The following RSL1D1 variants were observed in gnomAD, a reference collection of about 807,000 sequenced individuals.
RSL1D1 encodes the protein ribosomal L1 domain-containing protein 1.
A neutral mutation model predicts 44.6 loss-of-function variants in RSL1D1; 34 were observed. That is an observed-to-expected ratio of 0.76 (90% CI 0.58 to 1.02). The LOEUF (loss-of-function observed/expected upper bound fraction) is 1.02. RSL1D1 is among the 50% of genes least tolerant of loss of function. The pLI is 0.00. For missense variants in RSL1D1, 767 were observed against 568.1 expected (o/e 1.35, Z -3.56); for synonymous variants, 271 against 207.4 (o/e 1.31, Z -2.63).
chr16:11,841,724 T>C lies in RSL1D1; in HGVS notation c.826A>G (p.Lys276Glu). The change falls in exon 7 of 9, where the codon AAA (lysine) becomes GAA (glutamate). Residue 276 changes from lysine to glutamate, a missense_variant. Coordinates refer to ENST00000571133, the MANE Select transcript of RSL1D1 (RefSeq NM_015659.3). ...SFVSNWDEAT[K>E]RSLLNKKKKE... ...TTCTTCTTATTAAGCAAAGATCTTT[T>C]GGTGGCTTCATCCCAATTGCTGACA... The C allele has an allele frequency of 6.2e-7, 1 of 1,613,330 alleles. No homozygotes were observed. Among genetic ancestry groups the C allele is most frequent in the Non-Finnish European group, 8.5e-7 (1 of 1,179,720 alleles).
intron 7 of RSL1D1, among the ~76,000 whole-genome samples, chr16:11,840,765 C>T (rs994096068): frequency 6.6e-6 from 1 of 152,134 alleles, no homozygotes; most frequent in Non-Finnish European, 1.5e-5. Flanking sequence ...CATCCAAATA[C>T]GTGCACATTA....
At chr16:11,844,652 C>A (rs1164482382) in intron 5 of RSL1D1, among the ~76,000 whole-genome samples, 1 of 152,174 alleles carries the variant, frequency 6.6e-6, no homozygotes, top group African/African-American at 2.4e-5. Context: ...TCAGGCCTCC[C>A]TGGTGAGCAG....
intron 2 of RSL1D1, 130 bp from the exon 3 acceptor site, chr16:11,847,936 T>C (rs1475689041): frequency 2.2e-6 from 2 of 914,672 alleles, no homozygotes; most frequent in Non-Finnish European, 3.4e-6. Context: ...AAGCAAATAA[T>C]GCACCAAGAA....
At chr16:11,848,876 C>T (rs1301202184) in intron 2 of RSL1D1, among the ~76,000 whole-genome samples, 1 of 150,790 alleles carries the variant, frequency 6.6e-6, no homozygotes, top group Non-Finnish European at 1.5e-5. Flanking sequence ...CTCCTGGGTT[C>T]AAATGATTCT....
Position 11,834,066 on chromosome 16 carries a change from C to T in RSL1D1, c.*3721G>A, listed in dbSNP as rs1252683598. On this transcript the variant is annotated 3_prime_UTR_variant, in exon 9 of 9. Coordinates refer to ENST00000571133, the MANE Select transcript of RSL1D1 (RefSeq NM_015659.3). ...ACTTGGCCCACGAGAACATCATATA[C>T]CATAGTAGAGATTTCGCCCTCCTCT... 2 of 152,074 alleles carry T rather than the reference C, an allele frequency of 1.3e-5. No individual in the cohort carries two copies. The highest frequency in any genetic ancestry group is 2.9e-5 in the Non-Finnish European group (2 of 68,012). The allele number at this position is 152,074 out of a possible 1,614,324, so 9.4% of individuals were successfully genotyped here.
rs1469933480 is a variant in RSL1D1, at chr16:11,834,409, G to C, written c.*3378C>G. The C allele has an allele frequency of 6.6e-6, 1 of 152,140 alleles. No homozygotes were observed. The highest frequency in any genetic ancestry group is 1.5e-5 in the Non-Finnish European group (1 of 68,030). The allele number at this position is 152,140 out of a possible 1,614,324, so 9.4% of individuals were successfully genotyped here. A position where few individuals can be genotyped will look rare whatever the true frequency, so the allele number is the denominator to read the frequency against. ...GCTTTTTCAACAGAGAACATTATTA[G>C]AATGAAACTAGATGCAAGAACAGGA... is the stretch of plus-strand genomic sequence containing the variant. On this transcript the variant is annotated 3_prime_UTR_variant, in exon 9 of 9. Transcript: ENST00000571133.
At position 11,838,052 on chromosome 16, in the gene RSL1D1, C is replaced by A. The variant is rs375088154; in HGVS notation, c.1208G>T (p.Arg403Leu). Reference protein sequence around the residue: ...PAKSPNPSTPRGKKRKALPAS... With the variant: ...PAKSPNPSTPLGKKRKALPAS... Reference sequence around the variant, plus strand: ...TGGCAAAGCCTTTCTTTTCTTCCCACGAGGTGTGCTGGGATTAGGACTCTT... The same window carrying A: ...TGGCAAAGCCTTTCTTTTCTTCCCAAGAGGTGTGCTGGGATTAGGACTCTT... Residue 403 changes from arginine to leucine, a missense_variant, in exon 9 of 9, where the codon CGT (arginine) becomes CTT (leucine). Transcript: ENST00000571133. 2 of 1,613,472 alleles carry A rather than the reference C, an allele frequency of 1.2e-6. No homozygotes were observed. Among genetic ancestry groups the A allele is most frequent in the Admixed American group, 1.7e-5 (1 of 59,834 alleles).
rs2053711608 is a variant in RSL1D1, at chr16:11,835,734, G to C, written c.*2053C>G. 6.6e-6 allele frequency: 1 copy of C among 152,344 alleles called. No homozygotes were observed. Among genetic ancestry groups the C allele is most frequent in the Non-Finnish European group, 1.5e-5 (1 of 68,152 alleles). The allele number at this position is 152,344 out of a possible 1,614,324, so 9.4% of individuals were successfully genotyped here. On this transcript the variant is annotated 3_prime_UTR_variant, in exon 9 of 9. Coordinates refer to ENST00000571133, the MANE Select transcript of RSL1D1 (RefSeq NM_015659.3). Reference sequence around the variant, plus strand: ...CTCCTGGGTTCAAGCAATCCACCCAGCGTTCCAAAGTGCTGGGATTATGTT... The same window carrying C: ...CTCCTGGGTTCAAGCAATCCACCCACCGTTCCAAAGTGCTGGGATTATGTT...
Position 11,841,691 on chromosome 16 carries a change from T to A in RSL1D1, c.855+4A>T. On this transcript the variant is annotated splice_donor_region_variant and intron_variant, in intron 7 of 8. Transcript: ENST00000571133. ...ATTCTGTAAGTATTTAAAATTCTAC[T>A]AACTTTTTTCTTCTTATTAAGCAAA... is the stretch of plus-strand genomic sequence containing the variant. 1.9e-6 allele frequency: 3 copies of A among 1,609,252 alleles called. No homozygotes were observed. The highest frequency in any genetic ancestry group is 8.5e-7 in the Non-Finnish European group (1 of 1,178,110).
At position 11,836,013 on chromosome 16, in the gene RSL1D1, C is replaced by G. The variant is rs2053714434; in HGVS notation, c.*1774G>C. ...TCTAGACTTGCTGGCTCCTTGCTCT[C>G]CCAGGATCGACTGTAACTTGAGTTA... On this transcript the variant is annotated 3_prime_UTR_variant, in exon 9 of 9. Coordinates refer to ENST00000571133, the MANE Select transcript of RSL1D1 (RefSeq NM_015659.3). The G allele has an allele frequency of 1.3e-5, 2 of 152,144 alleles. No individual in the cohort carries two copies. The highest frequency in any genetic ancestry group is 2.9e-5 in the Non-Finnish European group (2 of 68,042). The allele number at this position is 152,144 out of a possible 1,614,324, so 9.4% of individuals were successfully genotyped here. A position where few individuals can be genotyped will look rare whatever the true frequency, so the allele number is the denominator to read the frequency against.
Position 11,835,412 on chromosome 16 carries a change from GCCT to G in RSL1D1, c.*2372_*2374del, listed in dbSNP as rs894180044. On this transcript the variant is annotated 3_prime_UTR_variant, in exon 9 of 9. Transcript: ENST00000571133. ...AGCCAGGCTGGTCTCAGAACTCCTG[GCCT>G]CAAGTGATCTGCCAGCCTTGGCTGG... 2.0e-5 allele frequency: 3 copies of G among 152,092 alleles called. No homozygotes were observed. The highest frequency in any genetic ancestry group is 7.2e-5 in the African/African-American group (3 of 41,386). 9.4% of individuals were successfully genotyped at this position (152,092 alleles called of 1,614,324 possible).
intron 1 of RSL1D1, 82 bp from the exon 2 acceptor site, chr16:11,850,500 T>G (rs1363418218): frequency 1.4e-6 from 2 of 1,436,272 alleles, no homozygotes; most frequent in African/African-American, 1.5e-5. Flanking sequence ...CAATCTAATT[T>G]AGCATTTGCC....
In RSL1D1 at chr16:11,848,181, A is replaced by T. The variant is rs569727656; in HGVS notation, c.246-375T>A. On this transcript the variant is annotated intron_variant, in intron 2 of 8. Transcript: ENST00000571133. ...GGCAGGATAATCGCTTCAACCCGGA[A>T]GGTGGAGGTTGCAGTGAGCCAAGAT... Among the ~76,000 whole-genome samples the T allele has an allele frequency of 2.0e-5, 3 of 152,286 alleles. No homozygotes were observed. In the East Asian group the frequency reaches 5.8e-4, roughly 29 times the overall value.
At chr16:11,845,971 G>A (rs1322004009) in intron 5 of RSL1D1, among the ~76,000 whole-genome samples, 2 of 151,884 alleles carry the variant, frequency 1.3e-5, no homozygotes, top group Non-Finnish European at 2.9e-5. Flanking sequence ...GGGCTCAAGC[G>A]ATCCTCCTGC....
intron 2 of RSL1D1, 96 bp downstream of exon 2, chr16:11,850,183 T>A (rs1483437266): frequency 8.2e-7 from 1 of 1,220,336 alleles, no homozygotes; most frequent in African/African-American, 1.6e-5. Context: ...TATTATAAGT[T>A]TGCAAAGTTT....
chr16:11,842,592 T>C (rs1033856032), intron 5 of RSL1D1, among the ~76,000 whole-genome samples: 10 of 152,206 alleles, frequency 6.6e-5, no homozygotes, highest in African/African-American at 2.4e-4. Context: ...CAGGCTGGTA[T>C]GGAACTCCTG....
Position 11,837,570 on chromosome 16 carries a change from C to T in RSL1D1, c.*217G>A, listed in dbSNP as rs755000027. 111 of 479,804 alleles carry T rather than the reference C, an allele frequency of 2.3e-4. No homozygotes were observed. Among genetic ancestry groups the T allele is most frequent in the Admixed American group, 1.1e-3 (28 of 26,238 alleles). 29.7% of individuals were successfully genotyped at this position (479,804 alleles called of 1,614,324 possible). On this transcript the variant is annotated 3_prime_UTR_variant, in exon 9 of 9. Coordinates refer to ENST00000571133, the MANE Select transcript of RSL1D1 (RefSeq NM_015659.3). ...TTCACCATGTTGGCCAGGATGGTCT[C>T]GATCTCGTTGACCTTGTGATCCGCC...
chr16:11,839,546 A>G (rs1330765560), intron 8 of RSL1D1, 149 bp downstream of exon 8: 13 of 621,082 alleles, frequency 2.1e-5, no homozygotes, highest in South Asian at 1.1e-4. Flanking sequence ...AAAAAAAAAA[A>G]GGTACAATAA....
At chr16:11,844,428 C>G (rs1022833889) in intron 5 of RSL1D1, among the ~76,000 whole-genome samples, 2 of 152,132 alleles carry the variant, frequency 1.3e-5, no homozygotes, top group African/African-American at 2.4e-5. Flanking sequence ...TAAACAAGGC[C>G]TGAACTTCTA....
Sources: gnomAD v4.1 joint callset for allele counts (sites outside exome capture counted in the v4.1 genomes callset) on GRCh38, gnomAD v4.1.1 for gene constraint, MANE v1.5 for transcripts, NCBI Gene and HGNC (gene_info 2026-07-23, HGNC 2026-07-21) for gene names.